Variants in CP observed in about 807,000 individuals in gnomAD.
CP encodes ceruloplasmin.
In CP, 64 loss-of-function variants were observed where a neutral mutation model predicts 122.4. The ratio of observed to expected loss-of-function variants is 0.52; its 90% CI spans 0.43 to 0.64. The LOEUF is 0.64. CP is among the 30% of genes least tolerant of loss of function. The pLI, the probability that CP is intolerant of heterozygous loss-of-function variation, is 0.00. For synonymous variants in CP, 440 were observed against 436.4 expected (o/e 1.01, Z -0.10); for missense variants, 1,167 against 1,284.4 (o/e 0.91, Z 1.40).
At chr3:149,185,218 A>G in intron 12 of CP, 21 bp downstream of exon 12, 1 of 1,610,276 alleles carries the variant, frequency 6.2e-7, no homozygotes, top group Non-Finnish European at 8.5e-7. Context: ...TGAAATTGGG[A>G]ATCAGAGTCT....
chr3:149,193,747 A>G (rs181504828), intron 9 of CP, among the ~76,000 whole-genome samples: 8 of 152,332 alleles, frequency 5.3e-5, no homozygotes, highest in Admixed American at 5.2e-4. Context: ...TTTAACCTAT[A>G]TTCATTCCAT....
intron 9 of CP, among the ~76,000 whole-genome samples, chr3:149,197,015 G>A (rs1345879683): frequency 6.6e-6 from 1 of 151,954 alleles, no homozygotes; most frequent in African/African-American, 2.4e-5. Flanking sequence ...CCTTCTCCTG[G>A]CTCATCCTGG....
downstream of CP, chr3:149,172,013 C>T (rs1384945420): frequency 7.7e-6 from 11 of 1,436,414 alleles, no homozygotes; most frequent in East Asian, 2.4e-4. Flanking sequence ...CCTGAACTGG[C>T]TTCTAATTGG....
intron 1 of CP, among the ~76,000 whole-genome samples, chr3:149,220,682 T>A (rs1728752510): frequency 6.6e-6 from 1 of 152,170 alleles, no homozygotes. Context: ...TACTCATCAA[T>A]AAGATTCAAT....
In CP at chr3:149,209,276, T is replaced by A. The variant is rs145481253; in HGVS notation, c.716A>T (p.Tyr239Phe). 3.8e-5 allele frequency: 61 copies of A among 1,613,832 alleles called. No homozygotes were observed. In the African/African-American group the frequency reaches 6.5e-4, roughly 17 times the overall value. Residue 239 changes from tyrosine (Y) to phenylalanine (F), a missense_variant, in exon 4 of 19, where the codon TAC (tyrosine) becomes TTC (phenylalanine). Tyr to Phe is a conservative substitution (Grantham distance 22). This residue lies in a region of CP where 642 missense variants were observed against 627.3 expected (regional missense o/e 1.02). Coordinates refer to ENST00000264613, the MANE Select transcript of CP (RefSeq NM_000096.4). ...GTCAACTTTCTCTGGTTCTGAGCAG[T>A]AGGTTTTAATGTTGTCTTCTAGGTA... Reference protein sequence around the residue: ...SWYLEDNIKTYCSEPEKVDKD... With the variant: ...SWYLEDNIKTFCSEPEKVDKD...
Position 149,177,982 on chromosome 3 carries a change from A to G in CP, c.2879-3T>C. 3 of 1,612,860 alleles carry G rather than the reference A, an allele frequency of 1.9e-6. No homozygotes were observed. The highest frequency in any genetic ancestry group is 2.5e-6 in the Non-Finnish European group (3 of 1,178,834). On this transcript the variant is annotated splice_region_variant and splice_polypyrimidine_tract_variant and intron_variant, in intron 16 of 18. Transcript: ENST00000264613. Reference sequence around the variant, plus strand: ...TCCAAACATTCTTCCATTAATAGCTAGGGAAAGCATATGGTTTTATGTTAC... The same window carrying G: ...TCCAAACATTCTTCCATTAATAGCTGGGGAAAGCATATGGTTTTATGTTAC...
Position 149,199,809 on chromosome 3 carries a change from T to C in CP, c.1404A>G (p.Lys468=), listed in dbSNP as rs756345153. 3 of 1,614,140 alleles carry C rather than the reference T, an allele frequency of 1.9e-6. No homozygotes were observed. The South Asian group carries it at 3.3e-5, about 18-fold the overall frequency. The part of the protein sequence containing the change: ...GDTIRVTFHN[K]GAYPLSIEPI... ...GCTCAATACTGAGGGGATATGCTCC[T>C]TTGTTATGGAAGGTTACTCTGATGG... Residue 468 remains lysine, a synonymous_variant, in exon 8 of 19, where the codon AAA becomes AAG. Transcript: ENST00000264613.
chr3:149,167,042 A>G (rs564057556), intron 4 of CP: 3 of 1,611,582 alleles, frequency 1.9e-6, no homozygotes, highest in African/African-American at 2.7e-5. Flanking sequence ...AGTCTCTTAT[A>G]TGTGGTCCTT....
At chr3:149,162,673 C>T in exon 6 of CP, 1 of 1,613,716 alleles carries the variant, frequency 6.2e-7, no homozygotes, top group South Asian at 1.1e-5. Flanking sequence ...ATAGAGGCTC[C>T]TTTTACTGTT....
rs1364933281 is a variant in CP at position 149,207,556 on chromosome 3, T to C, written c.843A>G (p.Val281=). Residue 281 remains valine, a synonymous_variant, in exon 5 of 19, where the codon GTA becomes GTG. Transcript: ENST00000264613. ...PGLSMCAEDR[V]KWYLFGMGNE... ...TACCCATACCAAAAAGGTACCATTTTACTCTGTCTTCAGCACACATGGAGA... is the reference window on the plus strand; with the variant it reads ...TACCCATACCAAAAAGGTACCATTTCACTCTGTCTTCAGCACACATGGAGA... 1.9e-6 allele frequency: 3 copies of C among 1,613,888 alleles called. No individual in the cohort carries two copies. Among genetic ancestry groups the C allele is most frequent in the South Asian group, 1.1e-5 (1 of 91,086 alleles).
chr3:149,189,476 C>A (rs1404206197), intron 9 of CP, among the ~76,000 whole-genome samples: 1 of 151,374 alleles, frequency 6.6e-6, no homozygotes, highest in Admixed American at 6.6e-5. Context: ...ATGGCGTGAA[C>A]CCAGGAGGTG....
intron 9 of CP, among the ~76,000 whole-genome samples, chr3:149,195,599 C>A (rs1032213244): frequency 6.6e-6 from 1 of 152,146 alleles, no homozygotes; most frequent in African/African-American, 2.4e-5. Context: ...AATACACACA[C>A]GTTTGTTTAT....
At chr3:149,214,930 T>G (rs1728359490) in intron 1 of CP, among the ~76,000 whole-genome samples, 2 of 152,178 alleles carry the variant, frequency 1.3e-5, no homozygotes, top group African/African-American at 4.8e-5. Context: ...AGCTGCAAAG[T>G]CTACAGTACA....
intron 9 of CP, among the ~76,000 whole-genome samples, chr3:149,189,346 G>A (rs1437608875): frequency 6.6e-6 from 1 of 152,056 alleles, no homozygotes; most frequent in Non-Finnish European, 1.5e-5. Flanking sequence ...GAGGTCAGGA[G>A]ATCGAGACCA....
intron 6 of CP, among the ~76,000 whole-genome samples, chr3:149,203,858 T>A (rs1470072793): frequency 6.6e-6 from 1 of 152,104 alleles, no homozygotes; most frequent in Non-Finnish European, 1.5e-5. Flanking sequence ...TAATACAGTG[T>A]AATAAGCACA....
At chr3:149,218,102 G>A (rs561605275) in intron 1 of CP, 52 of 167,750 alleles carry the variant, frequency 3.1e-4, no homozygotes, top group African/African-American at 6.7e-4. Context: ...ATGGCCGTTC[G>A]TATACTTAAA....
At chr3:149,167,860 A>T (rs1393842490), downstream of CP, 1 of 1,301,542 alleles carries the variant, frequency 7.7e-7, no homozygotes, top group East Asian at 2.3e-5. Flanking sequence ...AAAATGCATC[A>T]AACTAAAATT....
chr3:149,205,374 G>C (rs35244189), intron 6 of CP, among the ~76,000 whole-genome samples: 1,562 of 148,412 alleles, frequency 0.011, 26 homozygotes, highest in African/African-American at 0.036. Context: ...AGCTAGAAGC[G>C]GAATCGCTTC....
chr3:149,210,380 C>T lies in CP; in HGVS notation c.395-1G>A, dbSNP rs386134135. ...GTGGTGTTATCAGGGTAGATGGCCCCTAGGAAGCAACATGCAATGAAGGTG... is the reference window on the plus strand; with the variant it reads ...GTGGTGTTATCAGGGTAGATGGCCCTTAGGAAGCAACATGCAATGAAGGTG... On this transcript the variant is annotated splice_acceptor_variant, in intron 2 of 18. Coordinates refer to ENST00000264613, the MANE Select transcript of CP (RefSeq NM_000096.4). LOFTEE classifies it high-confidence loss of function. The T allele has an allele frequency of 1.2e-5, 20 of 1,613,552 alleles. No homozygotes were observed. Among genetic ancestry groups the T allele is most frequent in the Non-Finnish European group, 1.7e-5 (20 of 1,179,702 alleles).
Sources: allele counts gnomAD v4.1 joint callset (sites outside exome capture counted in the v4.1 genomes callset), GRCh38; gene constraint gnomAD v4.1.1; regional missense constraint gnomAD v4.1.1; transcripts MANE v1.5; gene names NCBI Gene and HGNC (gene_info 2026-07-23, HGNC 2026-07-21).